ARID2: variants seen among roughly 807,000 people sequenced by gnomAD.
ARID2 encodes AT-rich interactive domain-containing protein 2.
A neutral mutation model predicts 184.6 loss-of-function variants in ARID2; 32 were observed. The observed-to-expected ratio is 0.17, with a 90% CI of 0.13 to 0.23. ARID2 has a LOEUF of 0.23. Among genes scored for constraint, ARID2 ranks in the 10% least tolerant of loss-of-function variants. The probability of loss-of-function intolerance (pLI) is 1.00; values close to 1 mark genes in which losing one functional copy is unlikely to be tolerated. For synonymous variants in ARID2, 836 were observed against 772.6 expected (o/e 1.08, Z -1.36); for missense variants, 1,696 against 2,197.6 (o/e 0.77, Z 4.56).
chr12:45,747,264 C>T (rs1176326258), intron 3 of ARID2, among the ~76,000 whole-genome samples: 1 of 151,888 alleles, frequency 6.6e-6, no homozygotes, highest in Non-Finnish European at 1.5e-5. Flanking sequence ...TTTGTAATAA[C>T]GTGTGTGTTG....
intron 3 of ARID2, among the ~76,000 whole-genome samples, chr12:45,793,217 T>A (rs545745440): frequency 6.6e-6 from 1 of 152,144 alleles, no homozygotes; most frequent in South Asian, 2.1e-4. Context: ...AGAGAACCGC[T>A]TGAACCCCGG....
intron 20 of ARID2, among the ~76,000 whole-genome samples, chr12:45,897,822 G>A (rs1053837278): frequency 2.0e-5 from 3 of 152,010 alleles, no homozygotes; most frequent in African/African-American, 7.2e-5. Context: ...GCTTTTTAGT[G>A]TACAGTTCTA....
chr12:45,864,422 GT>G (rs1036726844), intron 16 of ARID2, among the ~76,000 whole-genome samples: 7 of 151,638 alleles, frequency 4.6e-5, no homozygotes, highest in African/African-American at 1.7e-4. Flanking sequence ...GGAATGTAAG[GT>G]TCAAACATTG....
At chr12:45,765,553 A>G (rs193042803) in intron 3 of ARID2, among the ~76,000 whole-genome samples, 2 of 151,934 alleles carry the variant, frequency 1.3e-5, no homozygotes, top group Admixed American at 6.6e-5. Flanking sequence ...GAGTTCTTCA[A>G]AATATTCTGG....
At chr12:45,731,899 A>T (rs1197550465) in intron 3 of ARID2, among the ~76,000 whole-genome samples, 5 of 151,958 alleles carry the variant, frequency 3.3e-5, no homozygotes, top group Non-Finnish European at 5.9e-5. Context: ...TTTAAATTAG[A>T]TAATTTAAAT....
At chr12:45,884,394 TCAAACAAA>T (rs535656807) in intron 16 of ARID2, among the ~76,000 whole-genome samples, 5 of 152,064 alleles carry the variant, frequency 3.3e-5, no homozygotes, top group Middle Eastern at 3.4e-3. Flanking sequence ...AGATTCTGTC[TCAAACAAA>T]CAAACAAACA....
chr12:45,755,070 T>C (rs1307927586), intron 3 of ARID2, among the ~76,000 whole-genome samples: 1 of 152,154 alleles, frequency 6.6e-6, no homozygotes, highest in Non-Finnish European at 1.5e-5. Flanking sequence ...AACATGTAAA[T>C]GAACTCTGCT....
chr12:45,793,746 C>CT lies in ARID2; in HGVS notation c.285-17663dup, dbSNP rs960084077. 1.0e-4 allele frequency among the ~76,000 whole-genome samples: 15 copies of CT among 150,124 alleles called. 1 individual carries two copies. Among genetic ancestry groups the CT allele is most frequent in the Admixed American group, 6.6e-5 (1 of 15,046 alleles). On this transcript the variant is annotated intron_variant, in intron 3 of 20. Coordinates refer to ENST00000334344, the MANE Select transcript of ARID2 (RefSeq NM_152641.4). Reference sequence around the variant, plus strand: ...GATATTCTACATATATATATATACACTTTTTTTTTCTTGGCTTTTTATTAC... The same window carrying CT: ...GATATTCTACATATATATATATACACTTTTTTTTTTCTTGGCTTTTTATTAC...
chr12:45,765,786 A>G (rs2138016214), intron 3 of ARID2, among the ~76,000 whole-genome samples: 2 of 152,270 alleles, frequency 1.3e-5, no homozygotes, highest in Middle Eastern at 6.8e-3. Context: ...TCAAGCTATG[A>G]ATGTGAACAT....
intron 3 of ARID2, among the ~76,000 whole-genome samples, chr12:45,810,998 A>T (rs1942695846): frequency 6.6e-6 from 1 of 152,060 alleles, no homozygotes; most frequent in South Asian, 2.1e-4. Flanking sequence ...TCACGAGGTC[A>T]GGAAATTGAG....
intron 20 of ARID2, among the ~76,000 whole-genome samples, chr12:45,896,294 C>A (rs1592146790): frequency 6.6e-6 from 1 of 152,228 alleles, no homozygotes; most frequent in Non-Finnish European, 1.5e-5. Context: ...GAAAGAGGTG[C>A]TATGATTGGA....
chr12:45,828,087 T>G (rs1372365303), intron 6 of ARID2, among the ~76,000 whole-genome samples: 6 of 152,080 alleles, frequency 3.9e-5, no homozygotes, highest in Non-Finnish European at 8.8e-5. Context: ...AAGATGTGTT[T>G]ATAAAGTGAA....
chr12:45,733,400 A>C (rs1284088393), intron 3 of ARID2, among the ~76,000 whole-genome samples: 1 of 152,234 alleles, frequency 6.6e-6, no homozygotes, highest in Non-Finnish European at 1.5e-5. Context: ...ACCTACCCAT[A>C]AGATTGGCTC....
intron 16 of ARID2, among the ~76,000 whole-genome samples, chr12:45,878,650 G>C (rs1423032107): frequency 1.3e-5 from 2 of 151,740 alleles, no homozygotes; most frequent in Admixed American, 6.6e-5. Context: ...TTTTCCATTA[G>C]TCTTAGCATA....
intron 20 of ARID2, among the ~76,000 whole-genome samples, chr12:45,903,616 T>C (rs572249987): frequency 1.6e-4 from 24 of 152,306 alleles, no homozygotes; most frequent in Admixed American, 9.1e-4. Context: ...TATTCTTCAG[T>C]CTCATTTTTT....
intron 16 of ARID2, among the ~76,000 whole-genome samples, chr12:45,875,920 G>T (rs1394994899): frequency 6.6e-6 from 1 of 152,188 alleles, no homozygotes; most frequent in African/African-American, 2.4e-5. Context: ...TATCAGCAAG[G>T]CTCTTTCACT....
At chr12:45,899,325 C>CTGGGCG (rs985600588) in intron 20 of ARID2, among the ~76,000 whole-genome samples, 1 of 145,032 alleles carries the variant, frequency 6.9e-6, no homozygotes, top group African/African-American at 2.6e-5. Context: ...TATAACCAGG[C>CTGGGCG]TGGGCGTGGT....
At chr12:45,784,869 A>G (rs956233455) in intron 3 of ARID2, among the ~76,000 whole-genome samples, 1 of 152,194 alleles carries the variant, frequency 6.6e-6, no homozygotes, top group Admixed American at 6.5e-5. Context: ...AATATTACTT[A>G]ATTCCCACAG....
intron 3 of ARID2, among the ~76,000 whole-genome samples, chr12:45,762,501 G>A (rs1941701599): frequency 6.6e-6 from 1 of 152,218 alleles, no homozygotes. Context: ...CTAGTAAAAA[G>A]TATACCCAAG....
Sources: allele counts gnomAD v4.1 joint callset (sites outside exome capture counted in the v4.1 genomes callset), GRCh38; gene constraint gnomAD v4.1.1; transcripts MANE v1.5; gene names NCBI Gene and HGNC (gene_info 2026-07-23, HGNC 2026-07-21).